The following CLEC16A variants were observed in gnomAD, a reference collection of about 807,000 sequenced individuals.
The protein encoded by CLEC16A is C-type lectin domain containing 16A.
In CLEC16A, 51 loss-of-function variants were observed where a neutral mutation model predicts 109.5. That is an observed-to-expected ratio of 0.47 (90% CI 0.37 to 0.59). The LOEUF is 0.59. Ranked by LOEUF, CLEC16A falls within the 20% of genes least tolerant of loss-of-function variation. The pLI is 0.00. For missense variants in CLEC16A, 1,339 were observed against 1,394.0 expected, an observed-to-expected ratio of 0.96 and a Z score of 0.63; for synonymous variants, 673 against 564.2, an observed-to-expected ratio of 1.19 and a Z score of -2.73.
At chr16:10,989,454 C>G (rs897712877) in intron 10 of CLEC16A, among the ~76,000 whole-genome samples, 2 of 152,034 alleles carry the variant, frequency 1.3e-5, no homozygotes, top group Non-Finnish European at 1.5e-5. Flanking sequence ...AAGCTGGTCT[C>G]GAACTCCTGG....
chr16:11,021,204 A>T (rs1013885387), intron 12 of CLEC16A, among the ~76,000 whole-genome samples: 1 of 152,184 alleles, frequency 6.6e-6, no homozygotes, highest in Non-Finnish European at 1.5e-5. Flanking sequence ...TCCACATCTT[A>T]TTTGTCTCTT....
intron 19 of CLEC16A, among the ~76,000 whole-genome samples, chr16:11,069,676 A>T (rs2048957232): frequency 6.6e-6 from 1 of 151,962 alleles, no homozygotes; most frequent in African/African-American, 2.4e-5. Context: ...TCCTGAGCTT[A>T]AGCGATCCTC....
rs79039828 is a variant in CLEC16A at position 11,134,381 on chromosome 16, C to T, written c.2641+8235C>T. ...GCACTTTATATGCACAAATTCTATC[C>T]TCCCGACCACCCTGGAAGCTGGTAT... On this transcript the variant is annotated intron_variant, in intron 22 of 23. Transcript: ENST00000409790. Among the ~76,000 whole-genome samples the T allele has an allele frequency of 1.0e-2, 1,516 of 152,122 alleles. 32 individuals are homozygous for T. Among genetic ancestry groups the T allele is most frequent in the African/African-American group, 0.034 (1,422 of 41,472 alleles).
chr16:11,042,040 TG>T, intron 14 of CLEC16A: 1 of 537,460 alleles, frequency 1.9e-6, no homozygotes, highest in South Asian at 2.4e-5. Flanking sequence ...GGGAAGTATT[TG>T]GTATAGGTAG....
At chr16:11,127,314 G>C (rs2052895529) in intron 22 of CLEC16A, among the ~76,000 whole-genome samples, 1 of 152,102 alleles carries the variant, frequency 6.6e-6, no homozygotes, top group South Asian at 2.1e-4. Context: ...TTGTCATATG[G>C]ATGGGCAAAA....
intron 22 of CLEC16A, among the ~76,000 whole-genome samples, chr16:11,138,130 A>C (rs144750280): frequency 6.6e-6 from 1 of 152,356 alleles, no homozygotes; most frequent in African/African-American, 2.4e-5. Flanking sequence ...GTGACATGAC[A>C]AACATGTTGA....
At chr16:11,056,309 C>T (rs2048211277) in intron 18 of CLEC16A, among the ~76,000 whole-genome samples, 1 of 152,178 alleles carries the variant, frequency 6.6e-6, no homozygotes, top group Non-Finnish European at 1.5e-5. Flanking sequence ...AGCTGTTGCC[C>T]AGAGTAGACG....
intron 22 of CLEC16A, among the ~76,000 whole-genome samples, chr16:11,147,426 T>C (rs953057236): frequency 2.0e-5 from 3 of 152,216 alleles, no homozygotes; most frequent in African/African-American, 7.2e-5. Context: ...GAAGATGAAA[T>C]GTTTTGAGCC....
At chr16:11,120,133 C>A (rs2052297706) in intron 19 of CLEC16A, among the ~76,000 whole-genome samples, 1 of 152,204 alleles carries the variant, frequency 6.6e-6, no homozygotes, top group Non-Finnish European at 1.5e-5. Context: ...CCACACCCAG[C>A]TAATCTTTTG....
At chr16:11,160,033 T>C (rs1038194853) in intron 22 of CLEC16A, among the ~76,000 whole-genome samples, 2 of 152,190 alleles carry the variant, frequency 1.3e-5, no homozygotes, top group African/African-American at 2.4e-5. Context: ...CAGAGCCAAC[T>C]GGGTTCCTTC....
At chr16:11,076,814 C>T (rs1158787100) in intron 19 of CLEC16A, among the ~76,000 whole-genome samples, 1 of 152,190 alleles carries the variant, frequency 6.6e-6, no homozygotes, top group African/African-American at 2.4e-5. Context: ...TGACCAGGTC[C>T]ACCCTGCCCT....
intron 1 of CLEC16A, among the ~76,000 whole-genome samples, chr16:10,953,759 G>A (rs1015223984): frequency 6.6e-6 from 1 of 152,182 alleles, no homozygotes; most frequent in East Asian, 1.9e-4. Context: ...CGTGGATCAC[G>A]AGGTCAGGAG....
rs1387474269 is a variant in CLEC16A, at chr16:10,971,230, G to A, written c.598G>A (p.Val200Met). 3 of 1,604,340 alleles carry A rather than the reference G, an allele frequency of 1.9e-6. No individual in the cohort carries two copies. Among genetic ancestry groups the A allele is most frequent in the Non-Finnish European group, 2.6e-6 (3 of 1,171,924 alleles). The stretch of plus-strand genomic sequence containing the variant: ...AACCATAACTTTGAATGTCTATAAA[G>A]GTAAGTGTCCTCATGGGCTTGTGTC... ...VRTITLNVYK[V>M]SLDNQAMLHY... is the part of the protein sequence containing the mutation. Residue 200 changes from valine to methionine, a missense_variant and splice_region_variant, in exon 5 of 24, where the codon GTG (valine) becomes ATG (methionine). Val to Met is a conservative substitution (Grantham distance 21, BLOSUM62 1). This residue lies in a region of CLEC16A where 161 missense variants were observed against 267.1 expected (regional missense o/e 0.60). Coordinates refer to ENST00000409790, the MANE Select transcript of CLEC16A (RefSeq NM_015226.3).
At chr16:11,168,976 C>T (rs1167522792) in intron 23 of CLEC16A, among the ~76,000 whole-genome samples, 1 of 152,250 alleles carries the variant, frequency 6.6e-6, no homozygotes, top group Non-Finnish European at 1.5e-5. Context: ...CCCTGATCCA[C>T]CAGAGATGAT....
In CLEC16A at chr16:11,039,894, T is replaced by C. The variant is rs201059682; in HGVS notation, c.1660+18T>C. The C allele has an allele frequency of 3.2e-5, 52 of 1,610,622 alleles. No individual in the cohort carries two copies. The highest frequency in any genetic ancestry group is 4.2e-5 in the Non-Finnish European group (50 of 1,178,538). The stretch of plus-strand genomic sequence containing the variant: ...CCAGCCAGGTGCCCACTTGGGGTGT[T>C]GTCTGTCCACAGGGCCACGCAGTTG... On this transcript the variant is annotated intron_variant, in intron 14 of 23. Coordinates refer to ENST00000409790, the MANE Select transcript of CLEC16A (RefSeq NM_015226.3).
rs541361554 is a variant in CLEC16A, at chr16:11,181,816, C to G, written c.*3126C>G. ...TGAAGAAGCGCAGCCCTGCCAGACG[C>G]GCTAGATTCCTCTAAGGTCTCTGAG... On this transcript the variant is annotated 3_prime_UTR_variant, in exon 24 of 24. Coordinates refer to ENST00000409790, the MANE Select transcript of CLEC16A (RefSeq NM_015226.3). 7 of 152,762 alleles carry G rather than the reference C, an allele frequency of 4.6e-5. No individual in the cohort carries two copies. In the East Asian group the frequency reaches 1.2e-3, roughly 25 times the overall value. 9.5% of individuals were successfully genotyped at this position (152,762 alleles called of 1,614,324 possible). A position where few individuals can be genotyped will look rare whatever the true frequency, so the allele number is the denominator to read the frequency against.
intron 8 of CLEC16A, among the ~76,000 whole-genome samples, chr16:10,977,860 CCTTTCCTCTT>C (rs1400211846): frequency 5.3e-5 from 8 of 152,140 alleles, no homozygotes; most frequent in Admixed American, 1.3e-4. Flanking sequence ...CCTTTCCTTT[CCTTTCCTCTT>C]ATTTCCTGAG....
chr16:11,025,919 G>T (rs77844341), intron 13 of CLEC16A, among the ~76,000 whole-genome samples: 12 of 152,300 alleles, frequency 7.9e-5, no homozygotes, highest in African/African-American at 2.6e-4. Context: ...AACCCAAGTA[G>T]GAGTATATAT....
chr16:11,017,745 C>T (rs2045844298), intron 11 of CLEC16A, among the ~76,000 whole-genome samples: 1 of 152,210 alleles, frequency 6.6e-6, no homozygotes, highest in South Asian at 2.1e-4. Context: ...CCTGTAACCC[C>T]AGTCTAAATA....
Sources: gnomAD v4.1 joint callset for allele counts (sites outside exome capture counted in the v4.1 genomes callset) on GRCh38, gnomAD v4.1.1 for gene constraint, gnomAD v4.1.1 regional missense constraint, MANE v1.5 for transcripts, NCBI Gene and HGNC (gene_info 2026-07-23, HGNC 2026-07-21) for gene names.